Variants in PTPRN2 observed in about 807,000 individuals in gnomAD.
PTPRN2 encodes receptor-type tyrosine-protein phosphatase N2.
A neutral mutation model predicts 118.8 loss-of-function variants in PTPRN2; 74 were observed. The observed-to-expected ratio is 0.62, with a 90% CI of 0.52 to 0.76. PTPRN2 has a LOEUF of 0.76. PTPRN2 is among the 30% of genes least tolerant of loss of function. The probability of loss-of-function intolerance (pLI) is 0.00; values close to 1 mark genes in which losing one functional copy is unlikely to be tolerated. For synonymous variants in PTPRN2, 641 were observed against 608.0 expected, an observed-to-expected ratio of 1.05 and a Z score of -0.80; for missense variants, 1,481 against 1,394.4, an observed-to-expected ratio of 1.06 and a Z score of -0.99.
In PTPRN2 at chr7:158,246,605, G is replaced by A. The variant is rs560390153; in HGVS notation, c.278-41332C>T. 1.5e-4 allele frequency among the ~76,000 whole-genome samples: 23 copies of A among 151,568 alleles called. 1 individual carries two copies. The highest frequency in any genetic ancestry group is 3.6e-4 in the African/African-American group (15 of 41,136). On this transcript the variant is annotated intron_variant, in intron 3 of 22. Transcript: ENST00000389418. ...ACAATCTGTATTTTAAAGAAGTTGC[G>A]TTTTCTTCCTTTTTGACCTTTTTAA...
At chr7:158,159,959 A>G (rs930964180) in intron 6 of PTPRN2, among the ~76,000 whole-genome samples, 4 of 152,218 alleles carry the variant, frequency 2.6e-5, no homozygotes, top group African/African-American at 9.7e-5. Context: ...CTGAATATCA[A>G]AATCTCTAAA....
rs185466633 is a variant in PTPRN2 at position 157,606,316 on chromosome 7, C to T, written c.2345-2241G>A. Among the ~76,000 whole-genome samples, 12 of 152,260 alleles carry T rather than the reference C, an allele frequency of 7.9e-5. No individual in the cohort carries two copies. In the South Asian group the frequency reaches 1.0e-3, roughly 13 times the overall value. ...GCAGGGCTGCCTGGGTCTGCAGCTA[C>T]GGTTTGGGCAGCTGTAGCTCCTCCC... On this transcript the variant is annotated intron_variant, in intron 15 of 22. Transcript: ENST00000389418.
chr7:157,997,380 G>A (rs560602871), intron 11 of PTPRN2, among the ~76,000 whole-genome samples: 5 of 152,376 alleles, frequency 3.3e-5, no homozygotes, highest in Non-Finnish European at 7.3e-5. Context: ...GGAAGGCCAC[G>A]GAGACAGACC....
chr7:158,096,412 C>G (rs1300377077), intron 10 of PTPRN2, among the ~76,000 whole-genome samples: 1 of 152,218 alleles, frequency 6.6e-6, no homozygotes, highest in African/African-American at 2.4e-5. Flanking sequence ...TACTAGGAAA[C>G]AAGGCTCCAC....
chr7:157,603,988 G>C lies in PTPRN2; in HGVS notation c.2418+14C>G, dbSNP rs188097544. On this transcript the variant is annotated intron_variant, in intron 16 of 22. Transcript: ENST00000389418. This position sits in a 1 kb window ranked among gnomAD's most constrained non-coding sequence, Gnocchi z 5.4. Reference sequence around the variant, plus strand: ...AGGGAAAGCCTGGGGCCCCTGTCCCGGCAGTGCACTTACGATGGGGCTAGC... The same window carrying C: ...AGGGAAAGCCTGGGGCCCCTGTCCCCGCAGTGCACTTACGATGGGGCTAGC... 3 of 1,612,638 alleles carry C rather than the reference G, an allele frequency of 1.9e-6. No homozygotes were observed. The highest frequency in any genetic ancestry group is 2.5e-6 in the Non-Finnish European group (3 of 1,179,094).
chr7:157,661,926 C>G (rs923991847), intron 13 of PTPRN2, among the ~76,000 whole-genome samples: 1 of 152,218 alleles, frequency 6.6e-6, no homozygotes, highest in Non-Finnish European at 1.5e-5. Flanking sequence ...GAGACAGAGG[C>G]AACGGGGCCA....
At position 157,851,994 on chromosome 7, in the gene PTPRN2, C is replaced by T. The variant is rs191938061; in HGVS notation, c.1788+46679G>A. Reference sequence around the variant, plus strand: ...AGGACGTGTTACTCAAATAACCACCCGCTCAGAAGAAAAAACCTCTGTGCA... The same window carrying T: ...AGGACGTGTTACTCAAATAACCACCTGCTCAGAAGAAAAAACCTCTGTGCA... On this transcript the variant is annotated intron_variant, in intron 12 of 22. Coordinates refer to ENST00000389418, the MANE Select transcript of PTPRN2 (RefSeq NM_002847.5). Among the ~76,000 whole-genome samples the T allele has an allele frequency of 3.4e-3, 513 of 152,326 alleles. 7 individuals are homozygous for T. The South Asian group carries it at 0.044, about 13-fold the overall frequency.
chr7:158,166,380 G>T (rs111596882), intron 6 of PTPRN2, among the ~76,000 whole-genome samples: 5 of 53,524 alleles, frequency 9.3e-5, no homozygotes, highest in Admixed American at 2.6e-4. Flanking sequence ...CGCGTTCCCT[G>T]TCCTCACACC....
At chr7:157,599,557 C>T (rs899760192) in intron 16 of PTPRN2, among the ~76,000 whole-genome samples, 3 of 152,188 alleles carry the variant, frequency 2.0e-5, no homozygotes, top group African/African-American at 7.2e-5. Context: ...CCCAATATTC[C>T]AAACAAAGCT....
At chr7:158,024,974 T>C (rs1242493394) in intron 11 of PTPRN2, among the ~76,000 whole-genome samples, 1 of 152,174 alleles carries the variant, frequency 6.6e-6, no homozygotes, top group Non-Finnish European at 1.5e-5. Flanking sequence ...GTCTGCTTGA[T>C]TGTGGGCAGT....
At chr7:158,442,774 G>A (rs564886054) in intron 2 of PTPRN2, among the ~76,000 whole-genome samples, 1 of 152,230 alleles carries the variant, frequency 6.6e-6, no homozygotes, top group East Asian at 1.9e-4. Flanking sequence ...CTAGTTACAG[G>A]AAACATGCAT....
At chr7:157,957,516 T>C (rs1473362701) in intron 11 of PTPRN2, among the ~76,000 whole-genome samples, 2 of 152,142 alleles carry the variant, frequency 1.3e-5, no homozygotes, top group Non-Finnish European at 2.9e-5. Flanking sequence ...CATCAATTAA[T>C]ACTTTTAAAT....
intron 2 of PTPRN2, among the ~76,000 whole-genome samples, chr7:158,323,810 C>G (rs1803232502): frequency 6.6e-6 from 1 of 152,158 alleles, no homozygotes; most frequent in Non-Finnish European, 1.5e-5. Context: ...GGGCTGCATA[C>G]CTCCCTCCAA....
At chr7:157,621,307 G>A (rs551809363) in intron 15 of PTPRN2, 55 bp downstream of exon 15, 49 of 1,577,246 alleles carry the variant, frequency 3.1e-5, no homozygotes, top group South Asian at 4.6e-5. Flanking sequence ...AGGTCAGCAC[G>A]GCCAGTTTCC....
At chr7:158,123,960 G>C (rs528777704) in intron 9 of PTPRN2, among the ~76,000 whole-genome samples, 1 of 149,650 alleles carries the variant, frequency 6.7e-6, no homozygotes, top group East Asian at 2.1e-4. Flanking sequence ...AGGCGGAGCT[G>C]GTTCTCTAAT....
At chr7:157,843,397 G>T (rs757003712) in intron 12 of PTPRN2, among the ~76,000 whole-genome samples, 1 of 152,060 alleles carries the variant, frequency 6.6e-6, no homozygotes, top group Non-Finnish European at 1.5e-5. Flanking sequence ...GGTGGTAGGG[G>T]GGCCGGCGTG....
chr7:157,925,819 C>G (rs1170544746), intron 11 of PTPRN2, among the ~76,000 whole-genome samples: 1 of 152,012 alleles, frequency 6.6e-6, no homozygotes, highest in Non-Finnish European at 1.5e-5. Flanking sequence ...CAATCAGGAA[C>G]CAGTGACGTG....
At chr7:158,411,554 C>T (rs1355012690) in intron 2 of PTPRN2, among the ~76,000 whole-genome samples, 2 of 152,198 alleles carry the variant, frequency 1.3e-5, no homozygotes, top group Admixed American at 6.5e-5. Flanking sequence ...GTCCCCTTCC[C>T]GTGGGAGATG....
At chr7:157,669,914 G>C (rs536462825) in intron 13 of PTPRN2, among the ~76,000 whole-genome samples, 110 of 152,208 alleles carry the variant, frequency 7.2e-4, no homozygotes, top group Non-Finnish European at 1.1e-3. Flanking sequence ...CCATACCCCT[G>C]CCTCCCACAC....
Sources: allele counts gnomAD v4.1 joint callset (sites outside exome capture counted in the v4.1 genomes callset), GRCh38; gene constraint gnomAD v4.1.1; non-coding constraint Gnocchi (gnomAD v3.1); transcripts MANE v1.5; gene names NCBI Gene and HGNC (gene_info 2026-07-23, HGNC 2026-07-21).